ABTB3: variants seen among roughly 807,000 people sequenced by gnomAD.
ABTB3 encodes ankyrin repeat- and BTB/POZ domain-containing protein 3.
the ABTB3 span, among the ~76,000 whole-genome samples, chr12:107,454,271 A>T: frequency 1.7e-3 from 259 of 152,378 alleles, no homozygotes; most frequent in African/African-American, 5.9e-3. Context: ...CATTATTCAC[A>T]GGGCCCAGTG....
chr12:107,492,533 G>C, the ABTB3 span, among the ~76,000 whole-genome samples: 1 of 152,042 alleles, frequency 6.6e-6, no homozygotes, highest in Non-Finnish European at 1.5e-5. Flanking sequence ...AATGCCAGTG[G>C]CAAGGGCACT....
chr12:107,617,361 T>C, the ABTB3 span: 2 of 1,614,174 alleles, frequency 1.2e-6, no homozygotes, highest in Non-Finnish European at 1.7e-6. Flanking sequence ...ATAGGAACCA[T>C]GTACAGGAAT....
At chr12:107,346,667 G>A in the ABTB3 span, among the ~76,000 whole-genome samples, 1 of 152,116 alleles carries the variant, frequency 6.6e-6, no homozygotes, top group African/African-American at 2.4e-5. Context: ...CACTGTGTTA[G>A]CCAGGATGAT....
chr12:107,530,366 C>G, the ABTB3 span, among the ~76,000 whole-genome samples: 3 of 152,150 alleles, frequency 2.0e-5, no homozygotes. Context: ...CACCCTCAAC[C>G]TAGATGGAAG....
chr12:107,602,543 T>C, the ABTB3 span, among the ~76,000 whole-genome samples: 615 of 152,340 alleles, frequency 4.0e-3, 5 homozygotes, highest in African/African-American at 0.014. Flanking sequence ...TCCAAAATCC[T>C]GTAAAGAAAG....
chr12:107,620,168 T>C, the ABTB3 span: 1 of 1,613,790 alleles, frequency 6.2e-7, no homozygotes, highest in Non-Finnish European at 8.5e-7. Context: ...GAGCAAGGTA[T>C]GTGGGGTTTG....
the ABTB3 span, among the ~76,000 whole-genome samples, chr12:107,396,847 T>A: frequency 1.3e-5 from 2 of 152,204 alleles, no homozygotes; most frequent in Non-Finnish European, 2.9e-5. Context: ...GGTCATAGTC[T>A]TCCAGTCTGT....
chr12:107,375,253 C>T, the ABTB3 span, among the ~76,000 whole-genome samples: 2 of 152,084 alleles, frequency 1.3e-5, no homozygotes, highest in African/African-American at 4.8e-5. Flanking sequence ...CTTGTCTCTA[C>T]TAAAAATACA....
the ABTB3 span, among the ~76,000 whole-genome samples, chr12:107,341,138 C>T: frequency 6.6e-6 from 1 of 152,188 alleles, no homozygotes; most frequent in Non-Finnish European, 1.5e-5. Context: ...CCCCTGAGTG[C>T]TGTCTCCCGC....
the ABTB3 span, among the ~76,000 whole-genome samples, chr12:107,529,619 G>A: frequency 6.6e-6 from 1 of 152,178 alleles, no homozygotes; most frequent in African/African-American, 2.4e-5. Flanking sequence ...TACTATTATT[G>A]TCCTAATTTT....
At chr12:107,607,236 TA>T in the ABTB3 span, among the ~76,000 whole-genome samples, 1 of 152,218 alleles carries the variant, frequency 6.6e-6, no homozygotes, top group African/African-American at 2.4e-5. Flanking sequence ...CAAGTATTTT[TA>T]TTTGCTAAAT....
At chr12:107,398,591 G>A in the ABTB3 span, among the ~76,000 whole-genome samples, 1 of 152,146 alleles carries the variant, frequency 6.6e-6, no homozygotes, top group African/African-American at 2.4e-5. Context: ...TTCCCATTGT[G>A]GCTCTTGAAT....
chr12:107,620,455 C>G, the ABTB3 span, among the ~76,000 whole-genome samples: 1 of 150,492 alleles, frequency 6.6e-6, no homozygotes, highest in African/African-American at 2.4e-5. Flanking sequence ...ACATGTGTGC[C>G]CCAACAGCAT....
the ABTB3 span, among the ~76,000 whole-genome samples, chr12:107,539,697 C>G: frequency 6.6e-6 from 1 of 152,190 alleles, no homozygotes; most frequent in African/African-American, 2.4e-5. Context: ...AGCCCATGAG[C>G]CCAGGAGAAC....
chr12:107,525,324 CAAAAAAAAAAAAA>C, the ABTB3 span, among the ~76,000 whole-genome samples: 5 of 34,888 alleles, frequency 1.4e-4, no homozygotes, highest in African/African-American at 2.6e-4. Context: ...AAGATCCTGT[CAAAAAAAAAAAAA>C]AAAAAAAAAA....
chr12:107,606,417 A>G, the ABTB3 span, among the ~76,000 whole-genome samples: 1 of 152,154 alleles, frequency 6.6e-6, no homozygotes, highest in African/African-American at 2.4e-5. Context: ...TGGTAAACAC[A>G]TCTCCTGATG....
the ABTB3 span, chr12:107,612,654 A>G: frequency 1.0e-6 from 1 of 976,582 alleles, no homozygotes; most frequent in Non-Finnish European, 1.5e-6. Context: ...CTGCACGTTT[A>G]TTTTTGTCAT....
At chr12:107,648,084 G>T in the ABTB3 span, among the ~76,000 whole-genome samples, 1 of 152,024 alleles carries the variant, frequency 6.6e-6, no homozygotes, top group Admixed American at 6.6e-5. Flanking sequence ...AAACATACAG[G>T]TAGAAGACAA....
At chr12:107,336,053 T>C in the ABTB3 span, among the ~76,000 whole-genome samples, 3 of 152,336 alleles carry the variant, frequency 2.0e-5, no homozygotes, top group Middle Eastern at 3.4e-3. Context: ...CCTTCACTGC[T>C]GCATCCTCAC....
Sources: gnomAD v4.1 joint callset for allele counts (sites outside exome capture counted in the v4.1 genomes callset) on GRCh38, gnomAD v4.1.1 for gene constraint, MANE v1.5 for transcripts, NCBI Gene and HGNC (gene_info 2026-07-23, HGNC 2026-07-21) for gene names.